MTHFD2L: variants seen among roughly 807,000 people sequenced by gnomAD.
MTHFD2L encodes methylenetetrahydrofolate dehydrogenase (NADP+ dependent) 2 like.
A neutral mutation model predicts 34.9 loss-of-function variants in MTHFD2L; 29 were observed. The observed-to-expected ratio is 0.83, with a 90% CI of 0.62 to 1.13. The LOEUF is 1.13. Ranked by LOEUF, MTHFD2L falls within the 50% of genes most tolerant of loss-of-function variation. MTHFD2L has a pLI of 0.00. For synonymous variants in MTHFD2L, 167 were observed against 155.7 expected (o/e 1.07, Z -0.54); for missense variants, 481 against 446.5 (o/e 1.08, Z -0.70).
At chr4:74,140,690 C>A (rs765121300) in intron 1 of MTHFD2L, 1 of 336,672 alleles carries the variant, frequency 3.0e-6, no homozygotes, top group Non-Finnish European at 4.2e-6. Flanking sequence ...TCCACAGGGC[C>A]GGGAGGCCTC....
At chr4:74,195,445 T>C (rs1337476665) in intron 3 of MTHFD2L, 2 of 152,202 alleles carry the variant, frequency 1.3e-5, no homozygotes, top group African/African-American at 4.8e-5. Flanking sequence ...TAGAGTAGTA[T>C]CATGAACATG....
chr4:74,203,208 C>T (rs1338951295), intron 5 of MTHFD2L, among the ~76,000 whole-genome samples: 1 of 151,924 alleles, frequency 6.6e-6, no homozygotes, highest in African/African-American at 2.4e-5. Context: ...TTTAAAAAGC[C>T]TTAGTTTTGA....
At chr4:74,218,273 G>A (rs759259421) in intron 5 of MTHFD2L, among the ~76,000 whole-genome samples, 39 of 152,064 alleles carry the variant, frequency 2.6e-4, no homozygotes, top group Non-Finnish European at 4.7e-4. Context: ...TGGCTGTAGA[G>A]TTGCATAGGA....
chr4:74,267,930 A>G (rs1172906592), intron 6 of MTHFD2L: 24 of 985,228 alleles, frequency 2.4e-5, no homozygotes, highest in African/African-American at 7.0e-5. Flanking sequence ...GAGCTCTGTA[A>G]GGAACCTAGC....
At chr4:74,116,352 A>G (rs551442759) in intron 2 of MTHFD2L, among the ~76,000 whole-genome samples, 1 of 152,310 alleles carries the variant, frequency 6.6e-6, no homozygotes, top group Non-Finnish European at 1.5e-5. Context: ...CCTCAACTCA[A>G]CTTCCCCCAG....
chr4:74,253,140 A>G lies in MTHFD2L; in HGVS notation c.805+27746A>G, dbSNP rs886392055. On this transcript the variant is annotated intron_variant, in intron 6 of 7. Coordinates refer to ENST00000325278, the MANE Select transcript of MTHFD2L (RefSeq NM_001144978.3). ...GTCACTCAGTAGAATGGTGCAATGA[A>G]GAAATTTCCAGCTATATAAGGAACC... Among the ~76,000 whole-genome samples the G allele has an allele frequency of 3.9e-5, 6 of 152,340 alleles. No individual in the cohort carries two copies. The South Asian group carries it at 1.0e-3, about 26-fold the overall frequency.
At chr4:74,133,256 A>G (rs979201728) in intron 1 of MTHFD2L, among the ~76,000 whole-genome samples, 2 of 152,096 alleles carry the variant, frequency 1.3e-5, no homozygotes, top group African/African-American at 4.8e-5. Context: ...TGTCTTTGAT[A>G]TTTGAAAGTT....
intron 1 of MTHFD2L, among the ~76,000 whole-genome samples, chr4:74,126,067 A>G (rs1722051206): frequency 6.6e-6 from 1 of 152,180 alleles, no homozygotes; most frequent in Non-Finnish European, 1.5e-5. Flanking sequence ...CCAGGTTGGA[A>G]ATATTGGAAA....
chr4:74,116,467 T>G (rs2109763374), intron 2 of MTHFD2L, among the ~76,000 whole-genome samples: 1 of 152,236 alleles, frequency 6.6e-6, no homozygotes, highest in South Asian at 2.1e-4. Flanking sequence ...CCTAATCAAC[T>G]TGATTAAATA....
intron 6 of MTHFD2L, among the ~76,000 whole-genome samples, chr4:74,238,272 G>T (rs116396390): frequency 0.013 from 1,917 of 152,252 alleles, 45 homozygotes; most frequent in African/African-American, 0.045. Context: ...TTCTGAGAAG[G>T]AAGGAATGTG....
At chr4:74,234,841 G>T (rs1740617907) in intron 6 of MTHFD2L, among the ~76,000 whole-genome samples, 1 of 151,528 alleles carries the variant, frequency 6.6e-6, no homozygotes, top group African/African-American at 2.4e-5. Flanking sequence ...AAGAGACACA[G>T]ATAGATTGAA....
At chr4:74,232,680 A>G (rs1044896390) in intron 6 of MTHFD2L, among the ~76,000 whole-genome samples, 1 of 152,184 alleles carries the variant, frequency 6.6e-6, no homozygotes, top group Non-Finnish European at 1.5e-5. Flanking sequence ...CCAAAGTGAA[A>G]TAAGGTAAAC....
chr4:74,190,420 A>G, intron 3 of MTHFD2L: 1 of 938,220 alleles, frequency 1.1e-6, no homozygotes, highest in Non-Finnish European at 1.3e-6. Context: ...CATCCTATGA[A>G]GTAAGCCTGC....
intron 1 of MTHFD2L, among the ~76,000 whole-genome samples, chr4:74,169,068 G>A (rs1358777065): frequency 6.6e-6 from 1 of 152,136 alleles, no homozygotes; most frequent in African/African-American, 2.4e-5. Context: ...GTGACTGATG[G>A]AGTCAGTTGG....
chr4:74,281,324 C>CGTGTGTGTGT (rs3832298), intron 6 of MTHFD2L, 101 bp from the exon 7 acceptor site: 20,596 of 865,434 alleles, frequency 0.024, 198 homozygotes, highest in African/African-American at 0.055. Flanking sequence ...ATTACACATA[C>CGTGTGTGTGT]GTGTGTGTGT....
At chr4:74,267,700 T>G (rs28539097) in intron 6 of MTHFD2L, 256,290 of 984,936 alleles carry the variant, frequency 0.26, 39,103 homozygotes, top group African/African-American at 0.68. Flanking sequence ...CTCTTAAAGT[T>G]CTGGGATTAC....
At chr4:74,163,155 A>G (rs1725828552) in intron 1 of MTHFD2L, among the ~76,000 whole-genome samples, 1 of 152,182 alleles carries the variant, frequency 6.6e-6, no homozygotes, top group Non-Finnish European at 1.5e-5. Context: ...TAATTTACAG[A>G]TATTTCAGTA....
At chr4:74,171,862 T>C (rs192067983) in intron 1 of MTHFD2L, among the ~76,000 whole-genome samples, 1 of 152,338 alleles carries the variant, frequency 6.6e-6, no homozygotes, top group Non-Finnish European at 1.5e-5. Flanking sequence ...TGTTATAAAA[T>C]GTTTGTAACA....
At chr4:74,289,398 C>A (rs1434169737) in intron 7 of MTHFD2L, among the ~76,000 whole-genome samples, 2 of 151,838 alleles carry the variant, frequency 1.3e-5, no homozygotes, top group Non-Finnish European at 2.9e-5. Context: ...TGCAAGGGGG[C>A]CATTGTAACT....
Sources: allele counts gnomAD v4.1 joint callset (sites outside exome capture counted in the v4.1 genomes callset), GRCh38; gene constraint gnomAD v4.1.1; transcripts MANE v1.5; gene names NCBI Gene and HGNC (gene_info 2026-07-23, HGNC 2026-07-21).